The following CCDC73 variants were observed in gnomAD, a reference collection of about 807,000 sequenced individuals.
The protein encoded by CCDC73 is coiled-coil domain-containing protein 73.
In CCDC73, 95 loss-of-function variants were observed where a neutral mutation model predicts 116.5. That is an observed-to-expected ratio of 0.82 (90% CI 0.69 to 0.97). The LOEUF is 0.97. CCDC73 is among the 50% of genes least tolerant of loss of function. The pLI is 0.00. For missense variants in CCDC73, 1,066 were observed against 1,206.8 expected, an observed-to-expected ratio of 0.88 and a Z score of 1.73; for synonymous variants, 398 against 401.3, an observed-to-expected ratio of 0.99 and a Z score of 0.10.
intron 2 of CCDC73, among the ~76,000 whole-genome samples, chr11:32,728,579 C>A (rs541944058): frequency 1.3e-5 from 2 of 152,100 alleles, no homozygotes; most frequent in South Asian, 4.2e-4. Context: ...TAGGCCCTCT[C>A]GGGAGACAAA....
chr11:32,679,508 T>G (rs1196628505), intron 7 of CCDC73, among the ~76,000 whole-genome samples: 1 of 151,922 alleles, frequency 6.6e-6, no homozygotes. Context: ...GGACTACAGG[T>G]GCGCACCACC....
intron 13 of CCDC73, 140 bp from the exon 14 acceptor site, chr11:32,635,970 C>G (rs1414123833): frequency 1.8e-6 from 1 of 544,872 alleles, no homozygotes; most frequent in African/African-American, 2.0e-5. Flanking sequence ...ATATTAAGAG[C>G]TACCATTTAT....
At chr11:32,715,270 A>AT (rs1040802500) in intron 3 of CCDC73, among the ~76,000 whole-genome samples, 3 of 152,046 alleles carry the variant, frequency 2.0e-5, no homozygotes, top group Admixed American at 1.3e-4. Flanking sequence ...ACTAATGGAA[A>AT]TTTTTGATTT....
chr11:32,793,854 G>C (rs1378238222), intron 1 of CCDC73, among the ~76,000 whole-genome samples: 1 of 151,806 alleles, frequency 6.6e-6, no homozygotes, highest in Admixed American at 6.6e-5. Flanking sequence ...CAGGTGATCC[G>C]CCCGCCTCGG....
chr11:32,701,106 CT>C (rs1486519394), intron 4 of CCDC73, among the ~76,000 whole-genome samples: 1 of 152,156 alleles, frequency 6.6e-6, no homozygotes, highest in East Asian at 1.9e-4. Flanking sequence ...ATCTTCCCAC[CT>C]CGGTCTCCCA....
intron 6 of CCDC73, among the ~76,000 whole-genome samples, chr11:32,697,673 G>A (rs1028689666): frequency 2.6e-5 from 4 of 151,138 alleles, no homozygotes; most frequent in African/African-American, 7.3e-5. Flanking sequence ...TAGTAGAGAC[G>A]GGGTTTCACC....
intron 17 of CCDC73, chr11:32,605,708 A>G (rs1350134795): frequency 6.6e-6 from 1 of 152,226 alleles, no homozygotes; most frequent in Non-Finnish European, 1.5e-5. Context: ...CTTTAGAGAA[A>G]CAAGATACAG....
chr11:32,763,079 T>A lies in CCDC73; in HGVS notation c.-15-2821A>T, dbSNP rs187949053. Among the ~76,000 whole-genome samples the A allele has an allele frequency of 1.7e-3, 251 of 151,880 alleles. 1 individual carries two copies. The highest frequency in any genetic ancestry group is 5.6e-3 in the African/African-American group (232 of 41,484). On this transcript the variant is annotated intron_variant, in intron 1 of 17. Transcript: ENST00000335185. Reference sequence around the variant, plus strand: ...GCGCCCACCATTGCTGAGGCTTCAGTAGGTAAACAAAGCAGCCAGGAAACC... The same window carrying A: ...GCGCCCACCATTGCTGAGGCTTCAGAAGGTAAACAAAGCAGCCAGGAAACC...
At chr11:32,684,447 T>C (rs1362162118) in intron 6 of CCDC73, among the ~76,000 whole-genome samples, 1 of 152,186 alleles carries the variant, frequency 6.6e-6, no homozygotes, top group Admixed American at 6.5e-5. Flanking sequence ...TTACTTAATA[T>C]ATAATAAACA....
At chr11:32,638,016 T>C (rs181223280) in intron 13 of CCDC73, among the ~76,000 whole-genome samples, 1 of 152,332 alleles carries the variant, frequency 6.6e-6, no homozygotes, top group East Asian at 1.9e-4. Flanking sequence ...GTTAATGATA[T>C]TATCATTCTA....
intron 12 of CCDC73, among the ~76,000 whole-genome samples, chr11:32,649,662 T>C (rs1486674334): frequency 6.6e-6 from 1 of 152,204 alleles, no homozygotes; most frequent in Non-Finnish European, 1.5e-5. Context: ...CAGATACCAG[T>C]CTGCAGACAA....
At chr11:32,731,561 G>A (rs113563355) in intron 2 of CCDC73, among the ~76,000 whole-genome samples, 8,586 of 152,224 alleles carry the variant, frequency 0.056, 294 homozygotes, top group African/African-American at 0.094. Context: ...CCTCTGAGAC[G>A]AAGCTTCCAG....
intron 17 of CCDC73, chr11:32,606,356 T>G (rs954425988): frequency 9.2e-5 from 14 of 152,244 alleles, no homozygotes; most frequent in African/African-American, 3.4e-4. Context: ...CCAAATGGCC[T>G]CTTACAACTG....
chr11:32,609,961 T>C (rs1468132213), intron 17 of CCDC73, among the ~76,000 whole-genome samples: 1 of 150,848 alleles, frequency 6.6e-6, no homozygotes, highest in Non-Finnish European at 1.5e-5. Flanking sequence ...TTTTTTTTTT[T>C]TGTATTTTTA....
chr11:32,826,661 A>AAAAAAAAAAAAC, the CCDC73 span, among the ~76,000 whole-genome samples: 1 of 83,636 alleles, frequency 1.2e-5, no homozygotes, highest in Non-Finnish European at 2.5e-5. Flanking sequence ...AAAAAAAAAC[A>AAAAAAAAAAAAC]AAAAAAAAAA....
chr11:32,609,663 GT>G (rs1226807884), intron 17 of CCDC73, among the ~76,000 whole-genome samples: 6 of 152,094 alleles, frequency 3.9e-5, no homozygotes, highest in African/African-American at 1.2e-4. Context: ...TACTGTATTA[GT>G]TTATTTTCAC....
intron 9 of CCDC73, among the ~76,000 whole-genome samples, chr11:32,667,069 C>T (rs1322790922): frequency 6.6e-6 from 1 of 152,322 alleles, no homozygotes; most frequent in African/African-American, 2.4e-5. Context: ...GTCAGTCTGC[C>T]CCTACTGGGG....
chr11:32,679,217 A>G (rs1389259695), intron 7 of CCDC73, among the ~76,000 whole-genome samples: 1 of 152,178 alleles, frequency 6.6e-6, no homozygotes, highest in Non-Finnish European at 1.5e-5. Flanking sequence ...ATGGTGAGCA[A>G]TAATGAACCA....
the CCDC73 span, among the ~76,000 whole-genome samples, chr11:32,812,384 G>A: frequency 7.2e-3 from 1,096 of 152,324 alleles, 16 homozygotes; most frequent in African/African-American, 0.025. Flanking sequence ...GTCAGGCATA[G>A]GCCGGGCGCA....
Sources: allele counts gnomAD v4.1 joint callset (sites outside exome capture counted in the v4.1 genomes callset), GRCh38; gene constraint gnomAD v4.1.1; transcripts MANE v1.5; gene names NCBI Gene and HGNC (gene_info 2026-07-23, HGNC 2026-07-21).